Variants in FBN2 observed in about 807,000 individuals in gnomAD.
FBN2 encodes fibrillin 2, also known as fibrillin-2.
Under a neutral mutation model 355.6 loss-of-function variants are expected in FBN2, and 105 were observed. That is an observed-to-expected ratio of 0.30 (90% CI 0.25 to 0.35). The LOEUF (loss-of-function observed/expected upper bound fraction) is 0.35. Ranked by LOEUF, FBN2 falls within the 10% of genes least tolerant of loss-of-function variation. FBN2 has a pLI of 1.00. For missense variants in FBN2, 3,280 were observed against 3,758.7 expected, an observed-to-expected ratio of 0.87 and a Z score of 3.33; for synonymous variants, 1,350 against 1,301.2, an observed-to-expected ratio of 1.04 and a Z score of -0.81.
At chr5:128,306,577 G>A (rs534211438) in intron 42 of FBN2, among the ~76,000 whole-genome samples, 7 of 151,952 alleles carry the variant, frequency 4.6e-5, no homozygotes, top group South Asian at 2.1e-4. Flanking sequence ...AGCTGAGATC[G>A]CGCCATTGCA....
intron 5 of FBN2, among the ~76,000 whole-genome samples, chr5:128,509,845 C>A (rs531393942): frequency 1.3e-5 from 2 of 152,076 alleles, no homozygotes; most frequent in African/African-American, 4.8e-5. Context: ...TAACCAATAC[C>A]CCACCAATTA....
intron 5 of FBN2, among the ~76,000 whole-genome samples, chr5:128,475,765 C>T (rs1449491810): frequency 6.6e-6 from 1 of 152,012 alleles, no homozygotes; most frequent in African/African-American, 2.4e-5. Flanking sequence ...AACAGTCTAC[C>T]TACAAAGGAG....
At chr5:128,279,202 C>A (rs941235135) in intron 56 of FBN2, among the ~76,000 whole-genome samples, 1 of 152,096 alleles carries the variant, frequency 6.6e-6, no homozygotes, top group Non-Finnish European at 1.5e-5. Context: ...TTCTGGAAAG[C>A]AAACTCTAGA....
intron 6 of FBN2, among the ~76,000 whole-genome samples, chr5:128,457,584 A>G (rs1754433069): frequency 6.6e-6 from 1 of 152,240 alleles, no homozygotes; most frequent in African/African-American, 2.4e-5. Context: ...AGGGAAGCAC[A>G]TCAGACTAAC....
At chr5:128,277,399 C>T (rs548578141) in intron 58 of FBN2, among the ~76,000 whole-genome samples, 2 of 152,294 alleles carry the variant, frequency 1.3e-5, no homozygotes, top group East Asian at 3.9e-4. Flanking sequence ...GTAATGCTTA[C>T]TTGGTATACT....
At chr5:128,344,314 G>C in intron 25 of FBN2, 71 bp downstream of exon 25, 2 of 1,490,646 alleles carry the variant, frequency 1.3e-6, no homozygotes, top group South Asian at 2.3e-5. Context: ...AGCTTTTTAG[G>C]GCAGTCCTTT....
chr5:128,344,434 G>A lies in FBN2; in HGVS notation c.3294C>T (p.Cys1098=). The A allele has an allele frequency of 1.2e-6, 2 of 1,613,526 alleles. No individual in the cohort carries two copies. The highest frequency in any genetic ancestry group is 1.7e-6 in the Non-Finnish European group (2 of 1,179,496). Residue 1098 remains cysteine (C), a synonymous_variant, in exon 25 of 65, where the codon TGC becomes TGT. Transcript: ENST00000262464. ...KCRNTIGSFK[C]RCNSGFALDM... ...CTAGAGCAAAGCCACTATTGCAACGGCATTTGAAGCTTCCGATTGTATTTC... is the reference window on the plus strand; with the variant it reads ...CTAGAGCAAAGCCACTATTGCAACGACATTTGAAGCTTCCGATTGTATTTC...
chr5:128,368,170 T>G (rs1250210853), intron 16 of FBN2, among the ~76,000 whole-genome samples: 1 of 152,108 alleles, frequency 6.6e-6, no homozygotes, highest in Non-Finnish European at 1.5e-5. Context: ...AATTTATACA[T>G]TTGCCTGCCT....
chr5:128,266,923 T>C (rs1269299912), intron 62 of FBN2, among the ~76,000 whole-genome samples: 1 of 152,106 alleles, frequency 6.6e-6, no homozygotes, highest in Non-Finnish European at 1.5e-5. Context: ...AAGTGTGCCA[T>C]GGTGCTGTGC....
At position 128,392,039 on chromosome 5, in the gene FBN2, C is replaced by T. The variant is rs750697815; in HGVS notation, c.1582G>A (p.Asp528Asn). 2 of 1,613,848 alleles carry T rather than the reference C, an allele frequency of 1.2e-6. No individual in the cohort carries two copies. Among genetic ancestry groups the T allele is most frequent in the Non-Finnish European group, 8.5e-7 (1 of 1,179,798 alleles). Residue 528 changes from aspartate to asparagine, a missense_variant, in exon 11 of 65, where the codon GAT (aspartate) becomes AAT (asparagine). By Grantham distance (23) the Asp-to-Asn change is conservative (BLOSUM62 1). Coordinates refer to ENST00000262464, the MANE Select transcript of FBN2 (RefSeq NM_001999.4). ...TTACCTATACAATCTCCATTTGCAT[C>T]CTGCTTATAACCCATGTTGCATTCA... is the stretch of plus-strand genomic sequence containing the variant. ...RCECNMGYKQ[D>N]ANGDCIDVDE...
intron 6 of FBN2, among the ~76,000 whole-genome samples, chr5:128,463,148 C>T (rs1315579837): frequency 6.6e-6 from 1 of 151,896 alleles, no homozygotes; most frequent in East Asian, 1.9e-4. Context: ...TAATCTATAT[C>T]CACTATATAA....
chr5:128,500,119 C>CT (rs1443494172), intron 5 of FBN2, among the ~76,000 whole-genome samples: 2 of 152,032 alleles, frequency 1.3e-5, no homozygotes, highest in Non-Finnish European at 2.9e-5. Context: ...TTCTGTGTGA[C>CT]TTTAGATAGA....
At chr5:128,437,550 T>C (rs1372060335) in intron 7 of FBN2, among the ~76,000 whole-genome samples, 3 of 152,158 alleles carry the variant, frequency 2.0e-5, no homozygotes, top group Non-Finnish European at 4.4e-5. Flanking sequence ...CATGGGTAGA[T>C]GCAGGTTATT....
chr5:128,295,391 A>G (rs1171396290), intron 48 of FBN2, among the ~76,000 whole-genome samples: 1 of 150,908 alleles, frequency 6.6e-6, no homozygotes, highest in Non-Finnish European at 1.5e-5. Flanking sequence ...TGGTAGCTTC[A>G]TGGGGATGGC....
chr5:128,510,296 T>G (rs1756079449), intron 5 of FBN2, among the ~76,000 whole-genome samples: 1 of 152,170 alleles, frequency 6.6e-6, no homozygotes, highest in South Asian at 2.1e-4. Context: ...TTAAGAAAGT[T>G]TACGAATTTG....
At chr5:128,521,942 G>A (rs955315097) in intron 4 of FBN2, among the ~76,000 whole-genome samples, 2 of 152,136 alleles carry the variant, frequency 1.3e-5, no homozygotes, top group Admixed American at 6.5e-5. Context: ...ATTTTTGGAG[G>A]TTTGCAAATT....
Position 128,415,587 on chromosome 5 carries a change from T to C in FBN2, c.953-6788A>G, listed in dbSNP as rs546390472. Among the ~76,000 whole-genome samples the C allele has an allele frequency of 3.9e-5, 6 of 152,322 alleles. No homozygotes were observed. The East Asian group carries it at 1.2e-3, about 29-fold the overall frequency. ...TTTCATTGTGTATATATATCACATT[T>C]TTTTAATCCAGTCATCCAGTGACGA... On this transcript the variant is annotated intron_variant, in intron 7 of 64. Transcript: ENST00000262464.
At chr5:128,412,490 G>A (rs1753095855) in intron 7 of FBN2, among the ~76,000 whole-genome samples, 1 of 152,232 alleles carries the variant, frequency 6.6e-6, no homozygotes, top group Non-Finnish European at 1.5e-5. Context: ...CCTCTGGCCA[G>A]GAAAATGTTC....
chr5:128,296,456 C>T lies in FBN2; in HGVS notation c.6166+4361G>A, dbSNP rs201482887. ...CCTCTGGTAGAATTCGGCTGTGAAT[C>T]CATCTGGTCCTGGACTCTTTTTGGT... On this transcript the variant is annotated intron_variant, in intron 48 of 64. Transcript: ENST00000262464. Among the ~76,000 whole-genome samples the T allele has an allele frequency of 2.4e-4, 36 of 151,906 alleles. No homozygotes were observed. The East Asian group carries it at 6.4e-3, about 27-fold the overall frequency.
Sources: allele counts gnomAD v4.1 joint callset (sites outside exome capture counted in the v4.1 genomes callset), GRCh38; gene constraint gnomAD v4.1.1; transcripts MANE v1.5; gene names NCBI Gene and HGNC (gene_info 2026-07-23, HGNC 2026-07-21).